WNK2: variants seen among roughly 807,000 people sequenced by gnomAD.
The protein encoded by WNK2 is WNK lysine deficient protein kinase 2.
Under a neutral mutation model 192.1 loss-of-function variants are expected in WNK2, and 67 were observed. The observed-to-expected ratio is 0.35, with a 90% CI of 0.29 to 0.43. The LOEUF (loss-of-function observed/expected upper bound fraction) is 0.43, where lower values mean the gene tolerates loss of function less well. Ranked by LOEUF, WNK2 falls within the 20% of genes least tolerant of loss-of-function variation. WNK2 has a pLI of 1.00. For synonymous variants in WNK2, 1,439 were observed against 1,393.9 expected, an observed-to-expected ratio of 1.03 and a Z score of -0.72; for missense variants, 2,698 against 3,089.7, an observed-to-expected ratio of 0.87 and a Z score of 3.01.
chr9:93,308,789 G>C, intron 28 of WNK2: 1 of 1,424,276 alleles, frequency 7.0e-7, no homozygotes. Context: ...TCCGCAGCTG[G>C]CAGGTGGAAA....
Position 93,257,661 on chromosome 9 carries a change from G to T in WNK2, c.2382+522G>T. Among the ~76,000 whole-genome samples the T allele has an allele frequency of 6.6e-6, 1 of 152,220 alleles. No homozygotes were observed. Among genetic ancestry groups the T allele is most frequent in the East Asian group, 1.9e-4 (1 of 5,196 alleles). On this transcript the variant is annotated intron_variant, in intron 11 of 29. Transcript: ENST00000427277. The surrounding 1 kb of genome is among the most constrained non-coding windows in gnomAD (Gnocchi z 4.7). ...GCAGGTAGGTTTGCCTCAGAGGAGCGTTCTTCCTGTGGAGCTCCTCCAGGG... is the reference window on the plus strand; with the variant it reads ...GCAGGTAGGTTTGCCTCAGAGGAGCTTTCTTCCTGTGGAGCTCCTCCAGGG...
In WNK2 at chr9:93,230,527, C is replaced by G. The variant is rs532577197; in HGVS notation, c.855-361C>G. Among the ~76,000 whole-genome samples the G allele has an allele frequency of 2.6e-5, 4 of 152,336 alleles. No individual in the cohort carries two copies. In the East Asian group the frequency reaches 7.7e-4, roughly 29 times the overall value. ...TCACAGGCCCTGGCCTTTCGTAACCCTCACCCCCTCACCTGAGCATCTGCT... is the reference window on the plus strand; with the variant it reads ...TCACAGGCCCTGGCCTTTCGTAACCGTCACCCCCTCACCTGAGCATCTGCT... On this transcript the variant is annotated intron_variant, in intron 3 of 29. Coordinates refer to ENST00000427277, the MANE Select transcript of WNK2 (RefSeq NM_006648.4).
intron 2 of WNK2, among the ~76,000 whole-genome samples, chr9:93,211,154 TCA>T (rs1563996495): frequency 7.6e-4 from 115 of 151,852 alleles, no homozygotes; most frequent in Middle Eastern, 6.9e-3. Flanking sequence ...ACTTATTCAC[TCA>T]CAGATTCCCT....
At chr9:93,308,970 G>C (rs1251830217) in intron 28 of WNK2, 1 of 1,057,506 alleles carries the variant, frequency 9.5e-7, no homozygotes, top group Non-Finnish European at 1.1e-6. Flanking sequence ...ACCAGGGCAG[G>C]TGTGCATGTC....
intron 23 of WNK2, 133 bp downstream of exon 23, chr9:93,293,306 A>G: frequency 1.4e-6 from 1 of 704,488 alleles, no homozygotes; most frequent in Non-Finnish European, 2.1e-6. Context: ...AAGCAGGGAC[A>G]GGGGAGTGAT....
rs1841463510 is a variant in WNK2 at position 93,245,118 on chromosome 9, GA to G, written c.1543-2422del. Among the ~76,000 whole-genome samples the G allele has an allele frequency of 4.1e-5, 6 of 146,062 alleles. No homozygotes were observed. The South Asian group carries it at 8.6e-4, about 21-fold the overall frequency. ...ATTCTGTGGAAAAAAATTGTCTTTTGAAACAAAGACTTTTGAATAATCACAA... is the reference window on the plus strand; with the variant it reads ...ATTCTGTGGAAAAAAATTGTCTTTTGAACAAAGACTTTTGAATAATCACAA... On this transcript the variant is annotated intron_variant, in intron 7 of 29. Coordinates refer to ENST00000427277, the MANE Select transcript of WNK2 (RefSeq NM_006648.4).
chr9:93,261,601 C>T (rs1416540719), intron 12 of WNK2, among the ~76,000 whole-genome samples: 2 of 152,206 alleles, frequency 1.3e-5, no homozygotes, highest in South Asian at 2.1e-4. Flanking sequence ...TAGACTCTTC[C>T]ACAGAAAGGG....
intron 2 of WNK2, among the ~76,000 whole-genome samples, chr9:93,193,787 T>C (rs547560832): frequency 2.6e-5 from 4 of 152,318 alleles, no homozygotes; most frequent in Admixed American, 2.6e-4. Context: ...TTCTAAGCAT[T>C]TCCCAGAATA....
intron 2 of WNK2, among the ~76,000 whole-genome samples, chr9:93,197,617 G>A (rs753202270): frequency 3.7e-4 from 57 of 152,114 alleles, no homozygotes; most frequent in Non-Finnish European, 6.8e-4. Context: ...ACCCTCTTGG[G>A]TTCAAGCGAT....
chr9:93,292,226 T>C (rs1323484181), intron 21 of WNK2, 82 bp from the exon 22 acceptor site: 55 of 1,466,732 alleles, frequency 3.7e-5, no homozygotes, highest in Non-Finnish European at 5.1e-5. Flanking sequence ...GGGATCACTT[T>C]GGGCTGCTTC....
At chr9:93,227,816 A>G (rs921368364) in intron 2 of WNK2, among the ~76,000 whole-genome samples, 7 of 152,150 alleles carry the variant, frequency 4.6e-5, no homozygotes, top group Non-Finnish European at 8.8e-5. Context: ...ATCGTTTTTG[A>G]TGAGTAGAAC....
In WNK2 at chr9:93,249,938, A is replaced by G. The variant is rs530476281; in HGVS notation, c.1834+2104A>G. Among the ~76,000 whole-genome samples the G allele has an allele frequency of 6.2e-5, 5 of 80,972 alleles. No homozygotes were observed. In the East Asian group the frequency reaches 1.5e-3, roughly 24 times the overall value. The allele number at this position is 80,972 out of a possible 152,430, so 53.1% of individuals were successfully genotyped here. ...TTTTTTTTTTTTTTTTTTTTTAAAG[A>G]CAGTCTCGCTCTGTCTCCAGGCTGG... On this transcript the variant is annotated intron_variant, in intron 8 of 29. Coordinates refer to ENST00000427277, the MANE Select transcript of WNK2 (RefSeq NM_006648.4).
At chr9:93,236,184 G>A (rs1219241185) in intron 5 of WNK2, among the ~76,000 whole-genome samples, 1 of 152,198 alleles carries the variant, frequency 6.6e-6, no homozygotes, top group East Asian at 1.9e-4. Context: ...AGCTCCATTT[G>A]CCAGGCCTTG....
intron 28 of WNK2, among the ~76,000 whole-genome samples, chr9:93,315,235 G>C (rs1305387380): frequency 1.3e-5 from 2 of 152,150 alleles, no homozygotes; most frequent in African/African-American, 4.8e-5. Flanking sequence ...GGGCGCAATG[G>C]GTTTGGCACC....
chr9:93,295,969 C>A, intron 23 of WNK2, among the ~76,000 whole-genome samples: 1 of 143,092 alleles, frequency 7.0e-6, no homozygotes, highest in African/African-American at 2.6e-5. Context: ...TCTCTCCATC[C>A]TCCCCTCACC....
At chr9:93,306,755 G>GT in intron 26 of WNK2, 22 bp from the exon 27 acceptor site, 1 of 1,614,062 alleles carries the variant, frequency 6.2e-7, no homozygotes, top group South Asian at 1.1e-5. Flanking sequence ...GTGGTCTTGT[G>GT]TCGTTTCTTT....
chr9:93,234,556 ATGG>A (rs1206196965), intron 4 of WNK2, among the ~76,000 whole-genome samples: 1 of 152,092 alleles, frequency 6.6e-6, no homozygotes, highest in Admixed American at 6.5e-5. Context: ...TGAGCAGGGG[ATGG>A]CTCTGTCACC....
intron 10 of WNK2, 178 bp from the exon 11 acceptor site, chr9:93,256,770 G>T (rs1843368951): frequency 4.3e-6 from 3 of 703,900 alleles, no homozygotes; most frequent in Non-Finnish European, 6.9e-6. Context: ...TTGGTGATCT[G>T]TGTGTCTGAA....
In WNK2 at chr9:93,297,908, C is replaced by G. The variant is rs1194256420; in HGVS notation, c.5764C>G (p.Leu1922Val). The G allele has an allele frequency of 6.3e-7, 1 of 1,592,398 alleles. No individual in the cohort carries two copies. The highest frequency in any genetic ancestry group is 8.5e-7 in the Non-Finnish European group (1 of 1,171,000). Residue 1922 changes from leucine (L) to valine (V), a missense_variant, in exon 24 of 30, where the codon CTG becomes GTG. Leu to Val is a conservative substitution (Grantham distance 32, BLOSUM62 1). Transcript: ENST00000427277. ...QSQQKQEIEA[L>V]YRRLGKPLPP... ...CCAGCAGAAGCAGGAGATCGAAGCT[C>G]TGTACCGCCGCCTGGGCAAGCCACT... is the stretch of plus-strand genomic sequence containing the variant.
Sources: gnomAD v4.1 joint callset for allele counts (sites outside exome capture counted in the v4.1 genomes callset) on GRCh38, gnomAD v4.1.1 for gene constraint, Gnocchi (gnomAD v3.1) non-coding constraint, MANE v1.5 for transcripts, NCBI Gene and HGNC (gene_info 2026-07-23, HGNC 2026-07-21) for gene names.